RPRD2: variants seen among roughly 807,000 people sequenced by gnomAD.
RPRD2 encodes the protein regulation of nuclear pre-mRNA domain-containing protein 2.
In RPRD2, 12 loss-of-function variants were observed where a neutral mutation model predicts 104.4. The observed-to-expected ratio is 0.11, with a 90% CI of 0.07 to 0.19. RPRD2 has a LOEUF of 0.19. Among genes scored for constraint, RPRD2 ranks in the 10% least tolerant of loss-of-function variants. The pLI is 1.00. For synonymous variants in RPRD2, 714 were observed against 684.9 expected (o/e 1.04, Z -0.66); for missense variants, 1,543 against 1,790.1 (o/e 0.86, Z 2.49).
intron 2 of RPRD2, among the ~76,000 whole-genome samples, chr1:150,436,007 T>C (rs1181081925): frequency 6.6e-6 from 1 of 152,174 alleles, no homozygotes; most frequent in Non-Finnish European, 1.5e-5. Flanking sequence ...TTAAAAATTA[T>C]GCTAAATCTA....
chr1:150,375,648 A>G (rs1401797794), intron 1 of RPRD2, among the ~76,000 whole-genome samples: 1 of 152,176 alleles, frequency 6.6e-6, no homozygotes, highest in Non-Finnish European at 1.5e-5. Flanking sequence ...TAATAGTTGC[A>G]TCAAAATTCT....
At chr1:150,418,442 A>T (rs1664525702) in intron 2 of RPRD2, among the ~76,000 whole-genome samples, 1 of 152,070 alleles carries the variant, frequency 6.6e-6, no homozygotes, top group Admixed American at 6.6e-5. Flanking sequence ...AGTCTTACTG[A>T]AATTTTTTTC....
chr1:150,475,777 A>G lies in RPRD2; in HGVS notation c.*2443A>G, dbSNP rs776513654. 1.3e-5 allele frequency: 2 copies of G among 152,516 alleles called. No homozygotes were observed. The highest frequency in any genetic ancestry group is 2.9e-5 in the Non-Finnish European group (2 of 68,048). 9.4% of individuals were successfully genotyped at this position (152,516 alleles called of 1,614,324 possible). The stretch of plus-strand genomic sequence containing the variant: ...TTCTGGTATTCATAACGTGAAAGAA[A>G]GGGGTTTTATTCTTTCTGTGTCTGT... On this transcript the variant is annotated 3_prime_UTR_variant, in exon 11 of 11. Coordinates refer to ENST00000369068, the MANE Select transcript of RPRD2 (RefSeq NM_015203.5).
At chr1:150,389,404 T>C (rs1477749159) in intron 1 of RPRD2, among the ~76,000 whole-genome samples, 2 of 152,328 alleles carry the variant, frequency 1.3e-5, no homozygotes, top group Middle Eastern at 3.4e-3. Context: ...TGTCCCTCAA[T>C]GTGGGTTTGT....
intron 7 of RPRD2, among the ~76,000 whole-genome samples, chr1:150,456,913 G>A (rs146677544): frequency 0.017 from 2,299 of 137,762 alleles, 44 homozygotes; most frequent in African/African-American, 0.062. Flanking sequence ...CAACAAGAGC[G>A]AAATTCCTTC....
At chr1:150,425,150 A>G (rs1665032466) in intron 2 of RPRD2, among the ~76,000 whole-genome samples, 1 of 152,176 alleles carries the variant, frequency 6.6e-6, no homozygotes, top group African/African-American at 2.4e-5. Context: ...TACTTCATAA[A>G]GTGTGGAAAC....
chr1:150,458,454 CA>C (rs113144321), intron 8 of RPRD2, among the ~76,000 whole-genome samples: 62 of 133,686 alleles, frequency 4.6e-4, no homozygotes, highest in South Asian at 2.2e-3. Context: ...ACCCTCTCTC[CA>C]AAAAAAAAAA....
At chr1:150,455,596 G>A (rs931138479) in intron 7 of RPRD2, among the ~76,000 whole-genome samples, 2 of 150,218 alleles carry the variant, frequency 1.3e-5, no homozygotes, top group African/African-American at 2.5e-5. Context: ...GTGGTATCTT[G>A]GATGGGATCC....
intron 1 of RPRD2, among the ~76,000 whole-genome samples, chr1:150,378,455 C>A (rs1392754186): frequency 6.6e-6 from 1 of 152,126 alleles, no homozygotes; most frequent in Admixed American, 6.6e-5. Flanking sequence ...AGACGGCTTC[C>A]TGCTTCTTTC....
intron 2 of RPRD2, among the ~76,000 whole-genome samples, chr1:150,432,485 C>T (rs1269468148): frequency 6.6e-6 from 1 of 151,718 alleles, no homozygotes; most frequent in Non-Finnish European, 1.5e-5. Flanking sequence ...GTGATGAGGT[C>T]TAAGGGAGGT....
chr1:150,386,311 G>A (rs587716306), intron 1 of RPRD2, among the ~76,000 whole-genome samples: 4 of 152,176 alleles, frequency 2.6e-5, no homozygotes, highest in South Asian at 4.1e-4. Context: ...TTGGCCAGGC[G>A]TGGTAGCTCA....
chr1:150,368,234 T>C (rs1659998825), intron 1 of RPRD2, among the ~76,000 whole-genome samples: 1 of 145,790 alleles, frequency 6.9e-6, no homozygotes, highest in Non-Finnish European at 1.5e-5. Context: ...TAATACGGAG[T>C]CTTAATAGAT....
intron 1 of RPRD2, among the ~76,000 whole-genome samples, chr1:150,384,450 C>CATCATTATT (rs1553881396): frequency 4.6e-4 from 61 of 132,346 alleles, no homozygotes; most frequent in East Asian, 1.7e-3. Flanking sequence ...GCATCATCAT[C>CATCATTATT]ATTATTATTA....
At chr1:150,441,271 A>G (rs1453849778) in intron 3 of RPRD2, 8 of 374,666 alleles carry the variant, frequency 2.1e-5, no homozygotes, top group Non-Finnish European at 3.8e-5. Flanking sequence ...TTAAGTGGTA[A>G]TAGCCATCTG....
At chr1:150,442,058 A>G (rs781989287) in intron 4 of RPRD2, 100 bp downstream of exon 4, 11 of 910,150 alleles carry the variant, frequency 1.2e-5, no homozygotes, top group Non-Finnish European at 1.8e-5. Context: ...AACCATGGGC[A>G]AGCCTGTTTT....
intron 2 of RPRD2, among the ~76,000 whole-genome samples, chr1:150,417,941 TC>T (rs369836585): frequency 1.3e-4 from 19 of 145,156 alleles, no homozygotes; most frequent in African/African-American, 4.5e-4. Flanking sequence ...TTTCTTCCTT[TC>T]CTTTCCTTTC....
chr1:150,384,534 C>G (rs34353365), intron 1 of RPRD2, among the ~76,000 whole-genome samples: 33,133 of 150,024 alleles, frequency 0.22, 4,187 homozygotes, highest in African/African-American at 0.32. Context: ...TGCAGTGGCA[C>G]GATCTCTGCT....
intron 7 of RPRD2, among the ~76,000 whole-genome samples, chr1:150,454,715 G>A (rs1667405326): frequency 1.3e-5 from 2 of 152,092 alleles, no homozygotes; most frequent in South Asian, 2.1e-4. Context: ...AGGAGTGGTG[G>A]TATGTGCCTG....
intron 1 of RPRD2, among the ~76,000 whole-genome samples, chr1:150,380,206 G>A (rs1661022643): frequency 6.6e-6 from 1 of 152,066 alleles, no homozygotes; most frequent in Admixed American, 6.6e-5. Context: ...AGTGTTAGAA[G>A]GACATTTTCT....
Sources: allele counts gnomAD v4.1 joint callset (sites outside exome capture counted in the v4.1 genomes callset), GRCh38; gene constraint gnomAD v4.1.1; transcripts MANE v1.5; gene names NCBI Gene and HGNC (gene_info 2026-07-23, HGNC 2026-07-21).